Variants in KHDC1 observed in about 807,000 individuals in gnomAD.
KHDC1 encodes KH homology domain-containing protein 1.
In KHDC1, 21 loss-of-function variants were observed where a neutral mutation model predicts 24.7. That is an observed-to-expected ratio of 0.85 (90% confidence interval 0.60 to 1.23). KHDC1 has a LOEUF of 1.23. KHDC1 is among the 50% of genes most tolerant of loss of function. The pLI is 0.00. For synonymous variants in KHDC1, 98 were observed against 111.7 expected, an observed-to-expected ratio of 0.88 and a Z score of 0.77; for missense variants, 274 against 298.5, an observed-to-expected ratio of 0.92 and a Z score of 0.61.
At chr6:73,262,238 G>A (rs1020663707) in intron 2 of KHDC1, among the ~76,000 whole-genome samples, 3 of 152,248 alleles carry the variant, frequency 2.0e-5, no homozygotes, top group African/African-American at 4.8e-5. Flanking sequence ...TCATAGGGCT[G>A]TGGTGAGAAC....
intron 1 of KHDC1, among the ~76,000 whole-genome samples, chr6:73,301,797 A>AC (rs1396082462): frequency 2.6e-5 from 4 of 151,824 alleles, no homozygotes; most frequent in Non-Finnish European, 5.9e-5. Flanking sequence ...TGTCCAGCTA[A>AC]CTTTTTTTTT....
chr6:73,259,964 G>A (rs138927850), intron 2 of KHDC1, among the ~76,000 whole-genome samples: 83 of 152,202 alleles, frequency 5.5e-4, no homozygotes, highest in African/African-American at 1.8e-3. Flanking sequence ...CTGTCCAGGG[G>A]GTAGGGCACA....
intron 2 of KHDC1, among the ~76,000 whole-genome samples, chr6:73,277,098 A>G (rs1177789100): frequency 6.6e-6 from 1 of 152,182 alleles, no homozygotes. Context: ...TTTTGAAAAA[A>G]TAGGCTCTAT....
chr6:73,297,275 A>G (rs1767775364), intron 1 of KHDC1, among the ~76,000 whole-genome samples: 1 of 152,100 alleles, frequency 6.6e-6, no homozygotes, highest in Non-Finnish European at 1.5e-5. Flanking sequence ...TTAATAATGT[A>G]TCTTGAGGAT....
chr6:73,292,772 C>A, intron 1 of KHDC1: 1 of 722,088 alleles, frequency 1.4e-6, no homozygotes, highest in Middle Eastern at 3.6e-4. Context: ...GCTAAAAGAT[C>A]TAGGTAAAGT....
At chr6:73,298,029 A>G (rs1265540193) in intron 1 of KHDC1, among the ~76,000 whole-genome samples, 2 of 152,110 alleles carry the variant, frequency 1.3e-5, no homozygotes, top group Non-Finnish European at 2.9e-5. Context: ...TGTCTCTACT[A>G]AAAATACTAA....
intron 2 of KHDC1, chr6:73,263,412 G>T: frequency 2.1e-6 from 1 of 473,528 alleles, no homozygotes; most frequent in Non-Finnish European, 2.8e-6. Flanking sequence ...CAGCGGAGCT[G>T]CTTGGTGAGT....
intron 2 of KHDC1, among the ~76,000 whole-genome samples, chr6:73,244,056 T>A (rs1766622340): frequency 6.6e-6 from 1 of 152,180 alleles, no homozygotes; most frequent in Non-Finnish European, 1.5e-5. Context: ...TCCTGAATAG[T>A]CCATACTTGC....
intron 2 of KHDC1, among the ~76,000 whole-genome samples, chr6:73,281,516 C>G (rs573402223): frequency 1.3e-5 from 2 of 151,186 alleles, no homozygotes; most frequent in East Asian, 2.0e-4. Context: ...ACTTGGGAGG[C>G]TGAGGCAGGA....
At chr6:73,290,585 CTGCTGGCAG>C (rs747526501) in intron 2 of KHDC1, 17 of 511,960 alleles carry the variant, frequency 3.3e-5, no homozygotes, top group Non-Finnish European at 6.2e-5. Context: ...GGAGAAGCTT[CTGCTGGCAG>C]CTCATGCCAT....
exon 3 of KHDC1, chr6:73,242,420 T>G: frequency 6.2e-7 from 1 of 1,614,214 alleles, no homozygotes; most frequent in Non-Finnish European, 8.5e-7. Flanking sequence ...GATGAGCTCC[T>G]CCTGGTCCTC....
In KHDC1 at chr6:73,304,404, T is replaced by C. The variant is rs559485514; in HGVS notation, c.163+5148A>G. On this transcript the variant is annotated intron_variant, in intron 1 of 4. Coordinates refer to ENST00000370384, the Ensembl canonical transcript of KHDC1. ...TAAAATATGCATATATTACATAAAATTTATTTGGGTAGAGCTGGAAGACTG... is the reference window on the plus strand; with the variant it reads ...TAAAATATGCATATATTACATAAAACTTATTTGGGTAGAGCTGGAAGACTG... Among the ~76,000 whole-genome samples, 4 of 152,228 alleles carry C rather than the reference T, an allele frequency of 2.6e-5. No individual in the cohort carries two copies. The South Asian group carries it at 6.2e-4, about 24-fold the overall frequency.
rs1034069565 is a variant in KHDC1, at chr6:73,284,289, G to T, written c.206+7709C>A. 2.0e-5 allele frequency among the ~76,000 whole-genome samples: 3 copies of T among 152,182 alleles called. No individual in the cohort carries two copies. The East Asian group carries it at 5.8e-4, about 29-fold the overall frequency. On this transcript the variant is annotated intron_variant, in intron 2 of 4. Transcript: ENST00000370384. ...TGTGACTTCCTCAGTTTCTCTTATA[G>T]ATAAGATCACTATTGTAAAACCTAA...
At chr6:73,241,469 C>T (rs1269780504) in exon 5 of KHDC1, 1 of 1,547,506 alleles carries the variant, frequency 6.5e-7, no homozygotes, top group Non-Finnish European at 8.9e-7. Flanking sequence ...TCTTTCTCAC[C>T]AAAAGTGAAG....
intron 2 of KHDC1, among the ~76,000 whole-genome samples, chr6:73,250,932 C>T (rs759170521): frequency 2.0e-5 from 3 of 152,136 alleles, no homozygotes; most frequent in African/African-American, 4.8e-5. Context: ...CTCCACCTCC[C>T]GGGTTCAAGG....
chr6:73,291,512 G>T (rs941936695), intron 2 of KHDC1, among the ~76,000 whole-genome samples: 3 of 151,842 alleles, frequency 2.0e-5, no homozygotes, highest in Non-Finnish European at 4.4e-5. Flanking sequence ...TCTTCGTAGA[G>T]ATAGAGGTTT....
chr6:73,310,123 C>T (rs987608956), exon 1 of KHDC1: 2 of 191,032 alleles, frequency 1.0e-5, no homozygotes, highest in Non-Finnish European at 2.1e-5. Context: ...AGCAGCATCC[C>T]GCCGCCCGCC....
intron 2 of KHDC1, among the ~76,000 whole-genome samples, chr6:73,290,093 C>A (rs183140593): frequency 0.023 from 2,393 of 103,566 alleles, 74 homozygotes; most frequent in Middle Eastern, 0.14. Context: ...GGCAACAGAG[C>A]GAGACTCCGT....
intron 2 of KHDC1, among the ~76,000 whole-genome samples, chr6:73,261,584 A>G (rs1203442294): frequency 2.0e-5 from 3 of 151,856 alleles, no homozygotes; most frequent in Non-Finnish European, 4.4e-5. Context: ...CGCCTGGGCA[A>G]TATGGTGAAA....
Sources: allele counts gnomAD v4.1 joint callset (sites outside exome capture counted in the v4.1 genomes callset), GRCh38; gene constraint gnomAD v4.1.1; transcripts MANE v1.5; gene names NCBI Gene and HGNC (gene_info 2026-07-23, HGNC 2026-07-21).